The following EYS variants were observed in gnomAD, a reference collection of about 807,000 sequenced individuals.
EYS encodes the protein protein eyes shut homolog.
In EYS, 250 loss-of-function variants were observed where a neutral mutation model predicts 282.1. The observed-to-expected ratio is 0.89, with a 90% confidence interval of 0.80 to 0.98. The LOEUF (loss-of-function observed/expected upper bound fraction) is 0.98. Among genes scored for constraint, EYS ranks in the 50% least tolerant of loss-of-function variants. The probability of loss-of-function intolerance (pLI) is 0.00; values close to 1 mark genes in which losing one functional copy is unlikely to be tolerated. For synonymous variants in EYS, 1,355 were observed against 1,282.9 expected, an observed-to-expected ratio of 1.06 and a Z score of -1.20; for missense variants, 4,016 against 3,709.0, an observed-to-expected ratio of 1.08 and a Z score of -2.15.
At chr6:65,310,622 A>G (rs1319596097) in intron 11 of EYS, among the ~76,000 whole-genome samples, 1 of 152,070 alleles carries the variant, frequency 6.6e-6, no homozygotes, top group Non-Finnish European at 1.5e-5. Flanking sequence ...TCTGAACCTT[A>G]GCTCTTTCCA....
intron 36 of EYS, among the ~76,000 whole-genome samples, chr6:63,833,429 A>G (rs772993691): frequency 6.6e-5 from 10 of 152,206 alleles, no homozygotes; most frequent in Non-Finnish European, 1.3e-4. Flanking sequence ...AATAAGAAAC[A>G]GCCAAATCAT....
At chr6:64,735,151 T>C (rs1340456896) in intron 22 of EYS, among the ~76,000 whole-genome samples, 1 of 152,176 alleles carries the variant, frequency 6.6e-6, no homozygotes, top group African/African-American at 2.4e-5. Flanking sequence ...CGGTGCAATC[T>C]CTGCTCACTG....
At chr6:65,331,724 C>A in intron 11 of EYS, 1 of 981,026 alleles carries the variant, frequency 1.0e-6, no homozygotes, top group Non-Finnish European at 1.2e-6. Context: ...ATCATTGTTT[C>A]ATTAAACAAG....
chr6:65,458,150 C>G (rs1254523519), intron 5 of EYS, among the ~76,000 whole-genome samples: 4 of 152,096 alleles, frequency 2.6e-5, no homozygotes. Context: ...TAGTTGCAAC[C>G]TCCTAAACTC....
chr6:65,540,837 C>T (rs1402118771), intron 2 of EYS, among the ~76,000 whole-genome samples: 5 of 152,010 alleles, frequency 3.3e-5, no homozygotes, highest in South Asian at 2.1e-4. Flanking sequence ...GCAGGAGAAT[C>T]GCTTGAATCC....
At chr6:65,184,745 G>GA (rs1280681834) in intron 12 of EYS, among the ~76,000 whole-genome samples, 2 of 151,318 alleles carry the variant, frequency 1.3e-5, no homozygotes, top group South Asian at 2.1e-4. Context: ...TCAGTCTCTG[G>GA]AAAAAAGTCT....
chr6:63,759,251 C>G (rs1054729108), intron 41 of EYS, among the ~76,000 whole-genome samples: 1 of 151,938 alleles, frequency 6.6e-6, no homozygotes, highest in African/African-American at 2.4e-5. Context: ...CCAAAATTTC[C>G]CCACGAACAG....
At chr6:64,488,013 A>T (rs560176183) in intron 26 of EYS, among the ~76,000 whole-genome samples, 3 of 151,172 alleles carry the variant, frequency 2.0e-5, no homozygotes, top group African/African-American at 7.2e-5. Flanking sequence ...GAGATTTTCT[A>T]CATTTAATTA....
intron 19 of EYS, among the ~76,000 whole-genome samples, chr6:64,878,263 A>T (rs993133769): frequency 6.6e-6 from 1 of 152,096 alleles, no homozygotes; most frequent in Non-Finnish European, 1.5e-5. Context: ...GAGAGAATCC[A>T]TACAGCAGTA....
At chr6:64,822,579 C>T (rs1195956974) in intron 20 of EYS, 72 bp downstream of exon 20, 4 of 1,207,464 alleles carry the variant, frequency 3.3e-6, no homozygotes, top group African/African-American at 3.2e-5. Flanking sequence ...ATCAACTTTC[C>T]CTTGATGTTA....
chr6:65,279,662 G>A (rs1768162617), intron 12 of EYS, among the ~76,000 whole-genome samples: 1 of 152,202 alleles, frequency 6.6e-6, no homozygotes, highest in Admixed American at 6.5e-5. Flanking sequence ...GACTAAATGA[G>A]TGAATAAATA....
At chr6:65,645,185 T>C (rs920146265) in intron 1 of EYS, among the ~76,000 whole-genome samples, 6 of 152,062 alleles carry the variant, frequency 3.9e-5, no homozygotes, top group African/African-American at 1.4e-4. Flanking sequence ...AGCAAATGGA[T>C]TTAATAGATA....
intron 5 of EYS, among the ~76,000 whole-genome samples, chr6:65,426,688 T>C (rs1240518529): frequency 6.6e-6 from 1 of 152,160 alleles, no homozygotes; most frequent in Non-Finnish European, 1.5e-5. Context: ...ATCGTAGGGT[T>C]GTGAGACTTT....
At position 65,356,140 on chromosome 6, in the gene EYS, A is replaced by T. The variant is rs368796757; in HGVS notation, c.1300-2523T>A. On this transcript the variant is annotated intron_variant, in intron 8 of 42. Transcript: ENST00000503581. ...TATACACACATACACATACATATAC[A>T]TACACACAATGGAATACTATTTAGC... 5.9e-5 allele frequency among the ~76,000 whole-genome samples: 9 copies of T among 152,214 alleles called. No homozygotes were observed. The East Asian group carries it at 1.7e-3, about 29-fold the overall frequency.
chr6:65,484,799 G>T lies in EYS; in HGVS notation c.862+5795C>A, dbSNP rs147943032. On this transcript the variant is annotated intron_variant, in intron 5 of 42. Transcript: ENST00000503581. ...TGCTATAGAGGTTTGGTCAATTATT[G>T]TGTGGTACAAAACAGTGGTCAGTAA... Among the ~76,000 whole-genome samples the T allele has an allele frequency of 2.0e-3, 309 of 152,324 alleles. 3 individuals carry two copies. Among genetic ancestry groups the T allele is most frequent in the African/African-American group, 7.4e-3 (306 of 41,584 alleles).
At chr6:63,831,036 A>G (rs571640795) in intron 36 of EYS, among the ~76,000 whole-genome samples, 53 of 152,342 alleles carry the variant, frequency 3.5e-4, no homozygotes, top group African/African-American at 1.2e-3. Context: ...TGTCACCACC[A>G]GGCCTGCCTT....
chr6:64,683,299 C>T (rs1333386738), intron 22 of EYS, among the ~76,000 whole-genome samples: 1 of 151,294 alleles, frequency 6.6e-6, no homozygotes, highest in Non-Finnish European at 1.5e-5. Flanking sequence ...TTTCTGATAG[C>T]AGAGAAATAA....
chr6:64,325,099 A>C (rs1770361757), intron 29 of EYS, among the ~76,000 whole-genome samples: 1 of 152,226 alleles, frequency 6.6e-6, no homozygotes, highest in Non-Finnish European at 1.5e-5. Flanking sequence ...AGCATTAGAA[A>C]AAAGCTATTC....
intron 26 of EYS, among the ~76,000 whole-genome samples, chr6:64,500,110 T>G (rs1032869589): frequency 6.6e-6 from 1 of 152,114 alleles, no homozygotes; most frequent in African/African-American, 2.4e-5. Context: ...TACATAGAAC[T>G]GTTAGCTAAA....
Sources: allele counts gnomAD v4.1 joint callset (sites outside exome capture counted in the v4.1 genomes callset), GRCh38; gene constraint gnomAD v4.1.1; transcripts MANE v1.5; gene names NCBI Gene and HGNC (gene_info 2026-07-23, HGNC 2026-07-21).